APAF1: variants seen among roughly 807,000 people sequenced by gnomAD.
The protein encoded by APAF1 is apoptotic peptidase activating factor 1, also known as apoptotic protease-activating factor 1.
APAF1 carries 91 observed loss-of-function variants against 152.4 expected under a neutral mutation model. The ratio of observed to expected loss-of-function variants is 0.60; its 90% CI spans 0.50 to 0.71. APAF1 has a LOEUF of 0.71. Among genes scored for constraint, APAF1 ranks in the 30% least tolerant of loss-of-function variants. The probability of loss-of-function intolerance (pLI) is 0.00; values close to 1 mark genes in which losing one functional copy is unlikely to be tolerated. For missense variants in APAF1, 1,283 were observed against 1,472.0 expected (o/e 0.87, Z 2.10); for synonymous variants, 484 against 494.1 (o/e 0.98, Z 0.27).
chr12:98,675,930 A>T (rs1283564182), intron 12 of APAF1, among the ~76,000 whole-genome samples: 2 of 152,152 alleles, frequency 1.3e-5, no homozygotes, highest in Non-Finnish European at 2.9e-5. Context: ...TGGCACCTTT[A>T]TGTGTCGGGT....
intron 10 of APAF1, among the ~76,000 whole-genome samples, chr12:98,669,433 G>A (rs965574507): frequency 6.6e-6 from 1 of 152,134 alleles, no homozygotes. Flanking sequence ...CATTACTAAT[G>A]CTCTTGTGTA....
intron 4 of APAF1, among the ~76,000 whole-genome samples, chr12:98,658,477 A>G (rs1022996942): frequency 4.6e-5 from 7 of 152,344 alleles, no homozygotes; most frequent in Admixed American, 6.5e-5. Context: ...CAACTCTGAA[A>G]TAGGTGGGCT....
chr12:98,717,651 C>T (rs1290917144), intron 22 of APAF1, among the ~76,000 whole-genome samples: 1 of 152,176 alleles, frequency 6.6e-6, no homozygotes, highest in Non-Finnish European at 1.5e-5. Flanking sequence ...GCTGGGATTA[C>T]AGGCATGAGC....
rs767077671 is a variant in APAF1, at chr12:98,648,687, C to A, written c.200C>A (p.Ser67Tyr). Reference protein sequence around the residue: ...IKMILKKDNDSYVSFYNALLH... With the variant: ...IKMILKKDNDYYVSFYNALLH... The stretch of plus-strand genomic sequence containing the variant: ...ATGATACTTAAAAAAGATAATGATT[C>A]CTACGTATCATTCTACAATGCTCTA... The change falls in exon 3 of 27, where the codon TCC becomes TAC. Residue 67 changes from serine to tyrosine, a missense_variant. Coordinates refer to ENST00000551964, the MANE Select transcript of APAF1 (RefSeq NM_181861.2). 9.9e-6 allele frequency: 16 copies of A among 1,613,806 alleles called. No homozygotes were observed. Among genetic ancestry groups the A allele is most frequent in the Non-Finnish European group, 8.5e-7 (1 of 1,179,856 alleles).
rs1458591067 is a variant in APAF1, at chr12:98,733,083, A to T, written c.*517A>T. 1 of 153,924 alleles carries T rather than the reference A, an allele frequency of 6.5e-6. No individual in the cohort carries two copies. The highest frequency in any genetic ancestry group is 1.4e-5 in the Non-Finnish European group (1 of 69,750). The allele number at this position is 153,924 out of a possible 1,614,324, so 9.5% of individuals were successfully genotyped here. On this transcript the variant is annotated 3_prime_UTR_variant, in exon 27 of 27. Coordinates refer to ENST00000551964, the MANE Select transcript of APAF1 (RefSeq NM_181861.2). ...TGTGTCTGTGTGCATAGTCTGCAGC[A>T]TTTCCTTTAATTGACTCAATAAGTG...
In APAF1 at chr12:98,698,449, T is replaced by C. The variant is rs183700684; in HGVS notation, c.2305-959T>C. On this transcript the variant is annotated intron_variant, in intron 16 of 26. Coordinates refer to ENST00000551964, the MANE Select transcript of APAF1 (RefSeq NM_181861.2). ...ATGTTTATTTATTTATTTTTCTCTT[T>C]AGTATCAGGGAAGGCTGTTTTAGCA... 1.3e-3 allele frequency among the ~76,000 whole-genome samples: 198 copies of C among 152,348 alleles called. 1 individual carries two copies. The highest frequency in any genetic ancestry group is 5.4e-4 in the Non-Finnish European group (37 of 68,026).
chr12:98,712,777 G>T, intron 21 of APAF1: 1 of 269,134 alleles, frequency 3.7e-6, no homozygotes, highest in Non-Finnish European at 7.2e-6. Flanking sequence ...GCCTCCCAAA[G>T]TGTGGGGATT....
At chr12:98,715,651 C>A (rs549713023) in intron 22 of APAF1, 99 bp downstream of exon 22, 2 of 1,366,944 alleles carry the variant, frequency 1.5e-6, no homozygotes, top group Non-Finnish European at 2.1e-6. Context: ...AAACACATTA[C>A]GTTGGGCATA....
At chr12:98,676,245 A>C (rs2097686360) in intron 12 of APAF1, among the ~76,000 whole-genome samples, 1 of 152,094 alleles carries the variant, frequency 6.6e-6, no homozygotes, top group Non-Finnish European at 1.5e-5. Flanking sequence ...ACAGACCCTC[A>C]GTCACCCAGG....
intron 10 of APAF1, 42 bp from the exon 11 acceptor site, chr12:98,670,931 A>G (rs1222174983): frequency 7.8e-7 from 1 of 1,276,846 alleles, no homozygotes; most frequent in South Asian, 1.2e-5. Flanking sequence ...AAATTTTTTG[A>G]TCTCTAACAG....
chr12:98,675,579 A>G (rs1027106209), intron 12 of APAF1, among the ~76,000 whole-genome samples: 5 of 152,200 alleles, frequency 3.3e-5, no homozygotes, highest in African/African-American at 4.8e-5. Flanking sequence ...TATTTCCTAA[A>G]CACGATGGTA....
chr12:98,666,220 G>A lies in APAF1; in HGVS notation c.1225G>A (p.Glu409Lys). The change falls in exon 9 of 27, where the codon GAA (glutamate) becomes AAA (lysine). Residue 409 changes from glutamate to lysine, a missense_variant. Transcript: ENST00000551964. Reference protein sequence around the residue: ...VLCILWDMETEEVEDILQEFV... With the variant: ...VLCILWDMETKEVEDILQEFV... ...ATGTATTCTCTGGGACATGGAAACT[G>A]AAGAAGTTGAAGACATACTGCAGGA... is the stretch of plus-strand genomic sequence containing the variant. 1 of 1,613,944 alleles carries A rather than the reference G, an allele frequency of 6.2e-7. No homozygotes were observed. The highest frequency in any genetic ancestry group is 8.5e-7 in the Non-Finnish European group (1 of 1,179,886).
At chr12:98,665,184 C>T (rs1245071947) in intron 7 of APAF1, among the ~76,000 whole-genome samples, 1 of 150,042 alleles carries the variant, frequency 6.7e-6, no homozygotes, top group African/African-American at 2.5e-5. Flanking sequence ...CACACACCAC[C>T]ACACCTGGCT....
At chr12:98,710,179 G>GTTTTTTTTTTTTTTTT (rs71443529) in intron 20 of APAF1, among the ~76,000 whole-genome samples, 2 of 127,740 alleles carry the variant, frequency 1.6e-5, no homozygotes, top group Non-Finnish European at 1.6e-5. Context: ...CGGCCTAAGG[G>GTTTTTTTTTTTTTTTT]TTTTTTTTTT....
chr12:98,677,354 T>C, intron 12 of APAF1, 71 bp from the exon 13 acceptor site: 1 of 1,500,802 alleles, frequency 6.7e-7, no homozygotes, highest in Non-Finnish European at 9.2e-7. Flanking sequence ...CAGTTTATTT[T>C]AGTACTGAAA....
At position 98,706,506 on chromosome 12, in the gene APAF1, T is replaced by A; in HGVS notation, c.2617T>A (p.Ser873Thr). Residue 873 changes from serine to threonine, a missense_variant, in exon 19 of 27, where the codon TCA (serine) becomes ACA (threonine). Coordinates refer to ENST00000551964, the MANE Select transcript of APAF1 (RefSeq NM_181861.2). The stretch of plus-strand genomic sequence containing the variant: ...GTAGTTGTGGAATACAGACTCACGT[T>A]CAAAGGTGGCTGATTGCAGAGGACA... ...CVELWNTDSR[S>T]KVADCRGHLS... The A allele has an allele frequency of 1.2e-6, 2 of 1,614,070 alleles. No individual in the cohort carries two copies. Among genetic ancestry groups the A allele is most frequent in the African/African-American group, 2.7e-5 (2 of 75,044 alleles).
At chr12:98,693,926 T>G (rs1040613245) in intron 16 of APAF1, among the ~76,000 whole-genome samples, 1 of 152,120 alleles carries the variant, frequency 6.6e-6, no homozygotes, top group Non-Finnish European at 1.5e-5. Flanking sequence ...TAAAGATGTC[T>G]CTGTTTTTCA....
chr12:98,668,277 A>G (rs1356064833), intron 10 of APAF1, among the ~76,000 whole-genome samples: 1 of 152,346 alleles, frequency 6.6e-6, no homozygotes, highest in East Asian at 1.9e-4. Context: ...CTTAGTAACT[A>G]GTAAATGAAC....
chr12:98,671,081 G>A lies in APAF1; in HGVS notation c.1603G>A (p.Glu535Lys), dbSNP rs1565866982. Reference sequence around the variant, plus strand: ...TGTGGAATACAGACATATACTAGATGAAAAGGTATATATATTAACATGAAA... The same window carrying A: ...TGTGGAATACAGACATATACTAGATAAAAAGGTATATATATTAACATGAAA... ...EFVEYRHILD[E>K]KDCAVSENFQ... Residue 535 changes from glutamate to lysine, a missense_variant, in exon 11 of 27, where the codon GAA becomes AAA. Physicochemically the swap from Glu to Lys is moderately conservative, Grantham distance 56. Coordinates refer to ENST00000551964, the MANE Select transcript of APAF1 (RefSeq NM_181861.2). 1.3e-6 allele frequency: 2 copies of A among 1,557,376 alleles called. No individual in the cohort carries two copies. Among genetic ancestry groups the A allele is most frequent in the Non-Finnish European group, 1.8e-6 (2 of 1,129,330 alleles).
Sources: gnomAD v4.1 joint callset for allele counts (sites outside exome capture counted in the v4.1 genomes callset) on GRCh38, gnomAD v4.1.1 for gene constraint, MANE v1.5 for transcripts, NCBI Gene and HGNC (gene_info 2026-07-23, HGNC 2026-07-21) for gene names.